The following SLC15A1 variants were observed in gnomAD, a reference collection of about 807,000 sequenced individuals.
The protein encoded by SLC15A1 is Caco-2 oligopeptide transporter.
Under a neutral mutation model 92.9 loss-of-function variants are expected in SLC15A1, and 83 were observed. The observed-to-expected ratio is 0.89, with a 90% CI of 0.75 to 1.07. SLC15A1 has a LOEUF of 1.07. Ranked by LOEUF, SLC15A1 falls within the 50% of genes least tolerant of loss-of-function variation. The pLI is 0.00. For missense variants in SLC15A1, 857 were observed against 880.1 expected (o/e 0.97, Z 0.33); for synonymous variants, 322 against 318.2 (o/e 1.01, Z -0.13).
chr13:98,698,052 C>T (rs1023641123), intron 18 of SLC15A1, among the ~76,000 whole-genome samples: 3 of 151,666 alleles, frequency 2.0e-5, no homozygotes, highest in Admixed American at 1.3e-4. Context: ...AACTAGGTTA[C>T]GGGGAAAAAA....
chr13:98,731,194 C>T (rs1594005300), intron 1 of SLC15A1, among the ~76,000 whole-genome samples: 1 of 152,206 alleles, frequency 6.6e-6, no homozygotes, highest in African/African-American at 2.4e-5. Context: ...TTTCTGTGAC[C>T]AAGCCCTCCT....
At chr13:98,739,647 A>G (rs1330481573) in intron 1 of SLC15A1, among the ~76,000 whole-genome samples, 1 of 152,134 alleles carries the variant, frequency 6.6e-6, no homozygotes, top group Non-Finnish European at 1.5e-5. Flanking sequence ...CCTCCCCAGA[A>G]GTGAGCAGAT....
intron 1 of SLC15A1, among the ~76,000 whole-genome samples, chr13:98,751,832 C>T (rs149885897): frequency 6.3e-4 from 96 of 152,360 alleles, no homozygotes; most frequent in African/African-American, 2.2e-3. Flanking sequence ...CTGCAAAATG[C>T]TGGCCGGGGG....
chr13:98,741,421 T>C (rs2088444086), intron 1 of SLC15A1, among the ~76,000 whole-genome samples: 1 of 152,186 alleles, frequency 6.6e-6, no homozygotes, highest in African/African-American at 2.4e-5. Context: ...GAGACCAGCC[T>C]GGCCAGCATG....
At chr13:98,716,192 T>TATC (rs2088210232) in intron 8 of SLC15A1, among the ~76,000 whole-genome samples, 1 of 152,218 alleles carries the variant, frequency 6.6e-6, no homozygotes, top group Non-Finnish European at 1.5e-5. Flanking sequence ...GTAAGCCTAA[T>TATC]ATCATCTACT....
rs1010368008 is a variant in SLC15A1 at position 98,684,135 on chromosome 13, T to G, written c.*589A>C. ...AACATCATTTGTGTGATAGGGAAGA[T>G]GACCAATGTGGGGTGGGCTCACAGT... On this transcript the variant is annotated 3_prime_UTR_variant, in exon 23 of 23. Coordinates refer to ENST00000376503, the MANE Select transcript of SLC15A1 (RefSeq NM_005073.4). The G allele has an allele frequency of 6.6e-6, 1 of 152,284 alleles. No individual in the cohort carries two copies. Among genetic ancestry groups the G allele is most frequent in the African/African-American group, 2.4e-5 (1 of 41,454 alleles). The allele number at this position is 152,284 out of a possible 1,614,324, so 9.4% of individuals were successfully genotyped here.
At chr13:98,743,176 C>T (rs1259082961) in intron 1 of SLC15A1, among the ~76,000 whole-genome samples, 3 of 152,210 alleles carry the variant, frequency 2.0e-5, no homozygotes, top group Non-Finnish European at 4.4e-5. Flanking sequence ...CGACTCTATT[C>T]CCAAATAAGG....
chr13:98,749,050 G>A (rs547000080), intron 1 of SLC15A1, among the ~76,000 whole-genome samples: 4 of 152,356 alleles, frequency 2.6e-5, no homozygotes, highest in African/African-American at 9.6e-5. Flanking sequence ...CTGCTGGCTA[G>A]GAGGAGGTGA....
At chr13:98,702,887 G>C (rs1190627129) in intron 17 of SLC15A1, among the ~76,000 whole-genome samples, 2 of 144,852 alleles carry the variant, frequency 1.4e-5, no homozygotes, top group Non-Finnish European at 3.0e-5. Flanking sequence ...AATTATTCTT[G>C]GGTCTGGGAG....
chr13:98,746,818 G>T (rs542633432), intron 1 of SLC15A1, among the ~76,000 whole-genome samples: 1 of 152,086 alleles, frequency 6.6e-6, no homozygotes, highest in African/African-American at 2.4e-5. Flanking sequence ...ACCCCTTTCC[G>T]CAGCCCGGTG....
chr13:98,697,249 T>G lies in SLC15A1; in HGVS notation c.1466+5231A>C, dbSNP rs559471874. 2.0e-5 allele frequency among the ~76,000 whole-genome samples: 3 copies of G among 152,136 alleles called. No individual in the cohort carries two copies. The East Asian group carries it at 5.8e-4, about 29-fold the overall frequency. Reference sequence around the variant, plus strand: ...TTTTGTATTTTTAGTAGAGACGGAGTTTCACCATGTTGGCCAGGCTGATCT... The same window carrying G: ...TTTTGTATTTTTAGTAGAGACGGAGGTTCACCATGTTGGCCAGGCTGATCT... On this transcript the variant is annotated intron_variant, in intron 18 of 22. Coordinates refer to ENST00000376503, the MANE Select transcript of SLC15A1 (RefSeq NM_005073.4).
chr13:98,731,420 C>T (rs2088349687), intron 1 of SLC15A1, among the ~76,000 whole-genome samples: 1 of 152,208 alleles, frequency 6.6e-6, no homozygotes, highest in African/African-American at 2.4e-5. Flanking sequence ...GAGGACACGG[C>T]AACAGCACGT....
intron 8 of SLC15A1, among the ~76,000 whole-genome samples, chr13:98,717,661 T>C (rs1185467257): frequency 6.6e-6 from 1 of 151,894 alleles, no homozygotes; most frequent in Non-Finnish European, 1.5e-5. Context: ...AAAAGAGACA[T>C]TAAAAAGAGG....
At chr13:98,748,084 C>G (rs947784983) in intron 1 of SLC15A1, among the ~76,000 whole-genome samples, 2 of 152,164 alleles carry the variant, frequency 1.3e-5, no homozygotes, top group African/African-American at 4.8e-5. Context: ...TCATTTTCCT[C>G]AACTCTAACT....
At chr13:98,686,132 A>G in intron 22 of SLC15A1, 58 bp downstream of exon 22, 2 of 1,293,372 alleles carry the variant, frequency 1.5e-6, no homozygotes, top group Non-Finnish European at 2.2e-6. Flanking sequence ...GAAGGCCACC[A>G]TGATGACCAT....
intron 1 of SLC15A1, among the ~76,000 whole-genome samples, chr13:98,727,522 T>A (rs562759148): frequency 6.6e-6 from 1 of 152,188 alleles, no homozygotes; most frequent in Non-Finnish European, 1.5e-5. Context: ...TAGGGGGTTA[T>A]GTCACAAGAA....
intron 1 of SLC15A1, among the ~76,000 whole-genome samples, chr13:98,745,778 G>C (rs1056908059): frequency 1.3e-5 from 2 of 152,058 alleles, no homozygotes; most frequent in African/African-American, 4.8e-5. Context: ...CCCAGTTTGT[G>C]GTGCTTTTGT....
Position 98,712,480 on chromosome 13 carries a change from G to T in SLC15A1, c.810+18C>A, listed in dbSNP as rs1488924047. 5 of 1,547,312 alleles carry T rather than the reference G, an allele frequency of 3.2e-6. No homozygotes were observed. Among genetic ancestry groups the T allele is most frequent in the Middle Eastern group, 3.4e-4 (2 of 5,940 alleles). On this transcript the variant is annotated intron_variant, in intron 10 of 22. Transcript: ENST00000376503. ...TCCTGGGGGAATCAGGGTCATTGTA[G>T]CAATGACCGTTACTTACATCGTATT...
Position 98,702,390 on chromosome 13 carries a change from T to C in SLC15A1, c.1466+90A>G, listed in dbSNP as rs367691924. ...TGGGACAAACCCTATAATCTCATTT[T>C]ATATCCTTGTTACATTTGGACTTTA... On this transcript the variant is annotated intron_variant, in intron 18 of 22. Coordinates refer to ENST00000376503, the MANE Select transcript of SLC15A1 (RefSeq NM_005073.4). 1.4e-3 allele frequency: 1,283 copies of C among 915,938 alleles called. 5 individuals carry two copies. The highest frequency in any genetic ancestry group is 1.7e-3 in the Non-Finnish European group (949 of 552,680). The allele number at this position is 915,938 out of a possible 1,614,324, so 56.7% of individuals were successfully genotyped here.
Sources: gnomAD v4.1 joint callset for allele counts (sites outside exome capture counted in the v4.1 genomes callset) on GRCh38, gnomAD v4.1.1 for gene constraint, MANE v1.5 for transcripts, NCBI Gene and HGNC (gene_info 2026-07-23, HGNC 2026-07-21) for gene names.